ATP6V1B2: variants seen among roughly 807,000 people sequenced by gnomAD.
ATP6V1B2 encodes ATPase H+ transporting V1 subunit B2.
Under a neutral mutation model 66.7 loss-of-function variants are expected in ATP6V1B2, and 23 were observed. The observed-to-expected ratio is 0.34, with a 90% CI of 0.25 to 0.49. The LOEUF is 0.49. ATP6V1B2 is among the 20% of genes least tolerant of loss of function. The pLI, the probability that ATP6V1B2 is intolerant of heterozygous loss-of-function variation, is 0.99. For synonymous variants in ATP6V1B2, 278 were observed against 236.7 expected (o/e 1.17, Z -1.60); for missense variants, 478 against 650.8 (o/e 0.73, Z 2.89).
chr8:20,199,181 T>C (rs2072658503), intron 1 of ATP6V1B2, among the ~76,000 whole-genome samples: 1 of 152,252 alleles, frequency 6.6e-6, no homozygotes, highest in Non-Finnish European at 1.5e-5. Flanking sequence ...CCATGGTTTG[T>C]ACGTACTTAC....
chr8:20,216,627 A>C (rs1381431784), intron 11 of ATP6V1B2, 132 bp downstream of exon 11: 17 of 755,906 alleles, frequency 2.2e-5, no homozygotes, highest in Non-Finnish European at 3.1e-5. Context: ...TATGGTTATA[A>C]AATTGTCATT....
At chr8:20,219,099 C>G (rs1322775364) in intron 13 of ATP6V1B2, among the ~76,000 whole-genome samples, 1 of 152,084 alleles carries the variant, frequency 6.6e-6, no homozygotes, top group Admixed American at 6.6e-5. Flanking sequence ...ATTATAATGC[C>G]TTAGTCCTGT....
In ATP6V1B2 at chr8:20,215,102, A is replaced by C. The variant is rs1049693334; in HGVS notation, c.1078+134A>C. ...TATCTTGGTTATTTGCCTAAATAAA[A>C]CATTTTTCATTTGAAAATTACCCAC... On this transcript the variant is annotated intron_variant, in intron 10 of 13. Coordinates refer to ENST00000276390, the MANE Select transcript of ATP6V1B2 (RefSeq NM_001693.4). 4 of 1,011,982 alleles carry C rather than the reference A, an allele frequency of 4.0e-6. No homozygotes were observed. In the African/African-American group the frequency reaches 6.6e-5, roughly 17 times the overall value. 62.7% of individuals were successfully genotyped at this position (1,011,982 alleles called of 1,614,324 possible).
At chr8:20,197,685 C>G in intron 1 of ATP6V1B2, 143 bp downstream of exon 1, 2 of 1,111,992 alleles carry the variant, frequency 1.8e-6, no homozygotes, top group Non-Finnish European at 2.3e-6. Context: ...CCACTTGTCT[C>G]TTTAGAAGGA....
chr8:20,216,993 T>C (rs957289253), intron 11 of ATP6V1B2: 2 of 525,524 alleles, frequency 3.8e-6, no homozygotes, highest in African/African-American at 3.8e-5. Context: ...TACAGTGTTA[T>C]AGATGACACT....
chr8:20,217,462 TAATC>T (rs2128886697), intron 12 of ATP6V1B2, 138 bp downstream of exon 12: 1 of 716,264 alleles, frequency 1.4e-6, no homozygotes, highest in East Asian at 2.7e-5. Context: ...GTGGAATACA[TAATC>T]ATTCATTAGA....
At chr8:20,204,727 C>T (rs928428166) in intron 2 of ATP6V1B2, among the ~76,000 whole-genome samples, 188 bp downstream of exon 2, 6 of 152,110 alleles carry the variant, frequency 3.9e-5, no homozygotes, top group African/African-American at 1.2e-4. Flanking sequence ...TTTGCCTGAG[C>T]TGTTTGACCA....
chr8:20,218,010 C>T, intron 12 of ATP6V1B2, 143 bp from the exon 13 acceptor site: 1 of 1,117,912 alleles, frequency 8.9e-7, no homozygotes, highest in Non-Finnish European at 1.2e-6. Context: ...CTGGTACTTT[C>T]ATATGAATTT....
intron 8 of ATP6V1B2, 120 bp from the exon 9 acceptor site, chr8:20,212,662 C>T (rs558851117): frequency 1.4e-6 from 2 of 1,380,446 alleles, no homozygotes; most frequent in African/African-American, 1.5e-5. Flanking sequence ...GCTTTACTCT[C>T]CTCAATTCAT....
chr8:20,197,550 T>G lies in ATP6V1B2; in HGVS notation c.136+8T>G. The stretch of plus-strand genomic sequence containing the variant: ...TCTCCCAGCCTCGCCTCAGTGAGTA[T>G]CAGAGAGTAATACGTCTCCGGTCTT... On this transcript the variant is annotated splice_region_variant and intron_variant, in intron 1 of 13. Transcript: ENST00000276390. 7.3e-7 allele frequency: 1 copy of G among 1,377,176 alleles called. No individual in the cohort carries two copies. The highest frequency in any genetic ancestry group is 9.5e-7 in the Non-Finnish European group (1 of 1,054,616). 85.3% of individuals were successfully genotyped at this position (1,377,176 alleles called of 1,614,324 possible).
intron 10 of ATP6V1B2, 147 bp downstream of exon 10, chr8:20,215,115 G>T: frequency 1.1e-6 from 1 of 913,560 alleles, no homozygotes; most frequent in Non-Finnish European, 1.5e-6. Context: ...TTTTTCATTT[G>T]AAAATTACCC....
intron 9 of ATP6V1B2, chr8:20,213,226 A>G (rs1585252237): frequency 3.5e-6 from 1 of 284,110 alleles, no homozygotes; most frequent in Non-Finnish European, 6.7e-6. Flanking sequence ...TGTCCAGACT[A>G]TTAATTTTTA....
chr8:20,197,403 C>T lies in ATP6V1B2; in HGVS notation c.-4C>T, dbSNP rs746330463. ...GCTGGGCCAGTCGGGACAGAGGAGA[C>T]AAGATGGCGCTGCGGGCGATGCGGG... On this transcript the variant is annotated 5_prime_UTR_variant, in exon 1 of 14. Coordinates refer to ENST00000276390, the MANE Select transcript of ATP6V1B2 (RefSeq NM_001693.4). 4 of 1,535,886 alleles carry T rather than the reference C, an allele frequency of 2.6e-6. No individual in the cohort carries two copies. Among genetic ancestry groups the T allele is most frequent in the African/African-American group, 2.9e-5 (2 of 70,054 alleles).
intron 10 of ATP6V1B2, 172 bp downstream of exon 10, chr8:20,215,140 A>T (rs555434225): frequency 1.3e-4 from 100 of 762,030 alleles, no homozygotes; most frequent in Non-Finnish European, 1.8e-4. Context: ...TTATTATCCT[A>T]TTGTGGAGGA....
intron 12 of ATP6V1B2, 55 bp downstream of exon 12, chr8:20,217,379 C>G (rs2072866448): frequency 6.9e-7 from 1 of 1,445,424 alleles, no homozygotes; most frequent in South Asian, 1.1e-5. Flanking sequence ...TTTCTGCTGT[C>G]TTACACCTCT....
rs116131797 is a variant in ATP6V1B2 at position 20,216,981 on chromosome 8, T to C, written c.1162-239T>C. 7.0e-3 allele frequency: 3,360 copies of C among 480,556 alleles called. 111 individuals carry two copies. The highest frequency in any genetic ancestry group is 0.058 in the African/African-American group (3,016 of 51,770). The allele number at this position is 480,556 out of a possible 1,614,324, so 29.8% of individuals were successfully genotyped here. On this transcript the variant is annotated intron_variant, in intron 11 of 13. Coordinates refer to ENST00000276390, the MANE Select transcript of ATP6V1B2 (RefSeq NM_001693.4). ...AAAGTTGAGTTTTTTAAAATAGTCT[T>C]GTACAGTGTTATAGATGACACTTTT... is the stretch of plus-strand genomic sequence containing the variant.
chr8:20,203,208 G>A (rs2072704546), intron 1 of ATP6V1B2, among the ~76,000 whole-genome samples: 1 of 152,154 alleles, frequency 6.6e-6, no homozygotes, highest in Non-Finnish European at 1.5e-5. Flanking sequence ...ATACAGTTCA[G>A]TTGGGGGGCC....
intron 2 of ATP6V1B2, among the ~76,000 whole-genome samples, chr8:20,208,982 T>A (rs1447055649): frequency 6.6e-6 from 1 of 152,168 alleles, no homozygotes; most frequent in African/African-American, 2.4e-5. Flanking sequence ...GTGCTGGGAT[T>A]ACAGGTGTGA....
intron 10 of ATP6V1B2, chr8:20,215,621 G>C (rs1399968058): frequency 6.6e-6 from 1 of 152,186 alleles, no homozygotes; most frequent in Non-Finnish European, 1.5e-5. Flanking sequence ...TAGCAACTTT[G>C]AGGCAGATGC....
Sources: allele counts gnomAD v4.1 joint callset (sites outside exome capture counted in the v4.1 genomes callset), GRCh38; gene constraint gnomAD v4.1.1; transcripts MANE v1.5; gene names NCBI Gene and HGNC (gene_info 2026-07-23, HGNC 2026-07-21).